CENPQ: variants seen among roughly 807,000 people sequenced by gnomAD.
CENPQ encodes chromosome 6 open reading frame 139.
In CENPQ, 27 loss-of-function variants were observed where a neutral mutation model predicts 36.6. The ratio of observed to expected loss-of-function variants is 0.74; its 90% CI spans 0.54 to 1.02. The LOEUF (loss-of-function observed/expected upper bound fraction) is 1.02. Among genes scored for constraint, CENPQ ranks in the 50% least tolerant of loss-of-function variants. The pLI, the probability that CENPQ is intolerant of heterozygous loss-of-function variation, is 0.00. For missense variants in CENPQ, 306 were observed against 301.8 expected (o/e 1.01, Z -0.10); for synonymous variants, 101 against 101.7 (o/e 0.99, Z 0.04).
chr6:49,473,661 C>T (rs1768199786), intron 5 of CENPQ, among the ~76,000 whole-genome samples: 2 of 152,170 alleles, frequency 1.3e-5, no homozygotes, highest in African/African-American at 4.8e-5. Flanking sequence ...ATCAAATTCA[C>T]ACATAACAAT....
chr6:49,472,452 T>C (rs1194275659), intron 4 of CENPQ, among the ~76,000 whole-genome samples: 2 of 152,140 alleles, frequency 1.3e-5, no homozygotes, highest in Non-Finnish European at 2.9e-5. Context: ...ATAGAGATTC[T>C]TTAGGAAGAA....
intron 8 of CENPQ, among the ~76,000 whole-genome samples, chr6:49,490,241 A>G (rs1768688661): frequency 6.6e-6 from 1 of 152,204 alleles, no homozygotes; most frequent in South Asian, 2.1e-4. Flanking sequence ...CTGGGTAACT[A>G]GCTGTAATTT....
rs774126426 is a variant in CENPQ, at chr6:49,471,028, G to C, written c.157G>C (p.Gly53Arg). ...TCATCTGAAAGATCTGTCTTCTGAA[G>C]GTATTTCTTTTCTATTACCTTGTTT... ...KNHLKDLSSEGQTKHTNLKHG... is the reference protein window; with the variant it reads ...KNHLKDLSSERQTKHTNLKHG... Residue 53 changes from glycine to arginine, a missense_variant and splice_region_variant, in exon 3 of 9, where the codon GGA becomes CGA. Gly to Arg is a moderately radical substitution (Grantham distance 125, BLOSUM62 -2). Transcript: ENST00000335783. The C allele has an allele frequency of 6.6e-7, 1 of 1,504,426 alleles. No homozygotes were observed. The highest frequency in any genetic ancestry group is 1.4e-5 in the South Asian group (1 of 73,986). 93.2% of individuals were successfully genotyped at this position (1,504,426 alleles called of 1,614,324 possible).
At chr6:49,464,293 T>G (rs780114504) in intron 1 of CENPQ, among the ~76,000 whole-genome samples, 15 of 152,152 alleles carry the variant, frequency 9.9e-5, no homozygotes, top group Non-Finnish European at 1.8e-4. Context: ...TGCTGTAATT[T>G]TAAAATATTT....
intron 5 of CENPQ, among the ~76,000 whole-genome samples, chr6:49,479,483 CAG>C (rs1468193314): frequency 3.3e-5 from 5 of 152,070 alleles, no homozygotes; most frequent in Admixed American, 6.6e-5. Context: ...CAAAAAGTAA[CAG>C]ATGCTGGGAG....
intron 5 of CENPQ, among the ~76,000 whole-genome samples, chr6:49,474,205 A>G (rs912309495): frequency 2.0e-5 from 3 of 152,220 alleles, no homozygotes; most frequent in African/African-American, 7.2e-5. Flanking sequence ...CCCAATCAAC[A>G]GAATATATAT....
intron 5 of CENPQ, 115 bp downstream of exon 5, chr6:49,472,973 G>A: frequency 1.4e-6 from 1 of 700,700 alleles, no homozygotes; most frequent in Non-Finnish European, 2.0e-6. Context: ...TTTTAGAGAA[G>A]GTGAACAACT....
chr6:49,471,614 A>G (rs2127424080), intron 3 of CENPQ, among the ~76,000 whole-genome samples: 1 of 151,926 alleles, frequency 6.6e-6, no homozygotes, highest in South Asian at 2.1e-4. Context: ...ATCCAGTACT[A>G]TTTCTTCTTT....
intron 5 of CENPQ, among the ~76,000 whole-genome samples, chr6:49,473,421 A>G (rs1048772610): frequency 1.3e-5 from 2 of 152,050 alleles, no homozygotes; most frequent in Non-Finnish European, 2.9e-5. Context: ...TAAGAAACTA[A>G]GCTTCATAAG....
In CENPQ at chr6:49,492,368, C is replaced by A; in HGVS notation, c.*93C>A. 9.1e-7 allele frequency: 1 copy of A among 1,104,378 alleles called. No individual in the cohort carries two copies. Among genetic ancestry groups the A allele is most frequent in the Non-Finnish European group, 1.2e-6 (1 of 800,788 alleles). 68.4% of individuals were successfully genotyped at this position (1,104,378 alleles called of 1,614,324 possible). On this transcript the variant is annotated 3_prime_UTR_variant, in exon 9 of 9. Coordinates refer to ENST00000335783, the MANE Select transcript of CENPQ (RefSeq NM_018132.4). ...ATGATTATATGTACAGAGGCTAAGGCTTCTGCAGGATTTATTATCTCCTGA... is the reference window on the plus strand; with the variant it reads ...ATGATTATATGTACAGAGGCTAAGGATTCTGCAGGATTTATTATCTCCTGA...
intron 6 of CENPQ, among the ~76,000 whole-genome samples, chr6:49,483,452 T>C (rs1202739052): frequency 6.6e-6 from 1 of 152,102 alleles, no homozygotes; most frequent in Non-Finnish European, 1.5e-5. Context: ...TCGATGGGAC[T>C]GGGCACTGTG....
At chr6:49,475,719 A>AGCAAAATCTCAGGAT (rs2127425147) in intron 5 of CENPQ, among the ~76,000 whole-genome samples, 1 of 152,354 alleles carries the variant, frequency 6.6e-6, no homozygotes, top group South Asian at 2.1e-4. Context: ...AAGCAACTTC[A>AGCAAAATCTCAGGAT]GCAAAATCTC....
rs1581851509 is a variant in CENPQ, at chr6:49,480,954, G to T, written c.351G>T (p.Leu117Phe). 3 of 1,585,796 alleles carry T rather than the reference G, an allele frequency of 1.9e-6. No homozygotes were observed. Among genetic ancestry groups the T allele is most frequent in the Middle Eastern group, 1.7e-4 (1 of 5,928 alleles). ...QYHLNFLKKR[L>F]LQQCETLKVP... is the part of the protein sequence containing the mutation. ...TTGTTTTTATTTTATCCTTAAGATT[G>T]CTACAACAGTGTGAAACTCTGAAAG... Residue 117 changes from leucine to phenylalanine, a missense_variant, in exon 6 of 9, where the codon TTG becomes TTT. Coordinates refer to ENST00000335783, the MANE Select transcript of CENPQ (RefSeq NM_018132.4).
intron 5 of CENPQ, among the ~76,000 whole-genome samples, chr6:49,474,207 A>C (rs1768217440): frequency 6.6e-6 from 1 of 152,212 alleles, no homozygotes; most frequent in Non-Finnish European, 1.5e-5. Flanking sequence ...CAATCAACAG[A>C]ATATATATTC....
At chr6:49,490,839 A>G (rs1485144355) in intron 8 of CENPQ, among the ~76,000 whole-genome samples, 3 of 152,162 alleles carry the variant, frequency 2.0e-5, no homozygotes, top group Non-Finnish European at 2.9e-5. Context: ...GTCAGAACAC[A>G]TAACAATTAC....
chr6:49,467,885 G>A (rs1412904333), intron 1 of CENPQ, among the ~76,000 whole-genome samples: 4 of 152,154 alleles, frequency 2.6e-5, no homozygotes, highest in African/African-American at 9.7e-5. Flanking sequence ...CAGGTAGAAG[G>A]TACAGTGTAT....
intron 8 of CENPQ, among the ~76,000 whole-genome samples, chr6:49,489,156 C>T (rs1256329482): frequency 6.6e-6 from 1 of 152,186 alleles, no homozygotes; most frequent in Non-Finnish European, 1.5e-5. Context: ...GCATTTTACC[C>T]ACAGTAGAAC....
At chr6:49,483,071 T>G (rs576581200) in intron 6 of CENPQ, among the ~76,000 whole-genome samples, 29 of 152,280 alleles carry the variant, frequency 1.9e-4, no homozygotes, top group African/African-American at 6.7e-4. Context: ...CCCACCCACA[T>G]CCTGCTGATT....
chr6:49,470,016 A>C (rs1399021690), intron 1 of CENPQ, 143 bp from the exon 2 acceptor site: 1 of 494,836 alleles, frequency 2.0e-6, no homozygotes, highest in African/African-American at 2.0e-5. Context: ...CTATCCCCAA[A>C]CTTTTATTAT....
Sources: gnomAD v4.1 joint callset for allele counts (sites outside exome capture counted in the v4.1 genomes callset) on GRCh38, gnomAD v4.1.1 for gene constraint, MANE v1.5 for transcripts, NCBI Gene and HGNC (gene_info 2026-07-23, HGNC 2026-07-21) for gene names.